GPHN: variants seen among roughly 807,000 people sequenced by gnomAD.
GPHN encodes gephyrin.
In GPHN, 17 loss-of-function variants were observed where a neutral mutation model predicts 95.5. That is an observed-to-expected ratio of 0.18 (90% CI 0.12 to 0.27). The LOEUF (loss-of-function observed/expected upper bound fraction) is 0.27. Ranked by LOEUF, GPHN falls within the 10% of genes least tolerant of loss-of-function variation. The probability of loss-of-function intolerance (pLI) is 1.00; values close to 1 mark genes in which losing one functional copy is unlikely to be tolerated. For synonymous variants in GPHN, 320 were observed against 322.5 expected, an observed-to-expected ratio of 0.99 and a Z score of 0.08; for missense variants, 660 against 978.1, an observed-to-expected ratio of 0.67 and a Z score of 4.34.
At chr14:67,387,944 G>A in the GPHN span, among the ~76,000 whole-genome samples, 1 of 152,188 alleles carries the variant, frequency 6.6e-6, no homozygotes, top group Non-Finnish European at 1.5e-5. Context: ...AAAGCATTGT[G>A]TAAGCCTCAC....
the GPHN span, among the ~76,000 whole-genome samples, chr14:67,237,475 T>G: frequency 1.4e-3 from 216 of 152,154 alleles, 1 homozygote; most frequent in Non-Finnish European, 2.3e-3. Flanking sequence ...ATGAATATGT[T>G]TCCTCCAAAA....
chr14:66,911,313 G>T (rs1043757368), intron 5 of GPHN, among the ~76,000 whole-genome samples: 21 of 152,024 alleles, frequency 1.4e-4, no homozygotes, highest in African/African-American at 5.1e-4. Context: ...TTTTTTTGTG[G>T]AGGGTGATGA....
intron 1 of GPHN, among the ~76,000 whole-genome samples, chr14:66,663,758 C>T (rs1159858876): frequency 6.6e-6 from 1 of 152,152 alleles, no homozygotes; most frequent in East Asian, 1.9e-4. Context: ...TGGAATGACA[C>T]ACATAGGCTC....
the GPHN span, chr14:67,398,204 T>C: frequency 6.3e-6 from 1 of 158,116 alleles, no homozygotes; most frequent in East Asian, 1.9e-4. Flanking sequence ...ATTTTACATA[T>C]AGTTTTATTT....
chr14:66,629,508 CT>C (rs1264593354), intron 1 of GPHN, among the ~76,000 whole-genome samples: 1 of 151,622 alleles, frequency 6.6e-6, no homozygotes, highest in South Asian at 2.1e-4. Flanking sequence ...TTAGTGTCAA[CT>C]TTTTTTTAAT....
chr14:66,760,135 G>A (rs930130340), intron 2 of GPHN, among the ~76,000 whole-genome samples: 2 of 151,960 alleles, frequency 1.3e-5, no homozygotes, highest in African/African-American at 4.8e-5. Flanking sequence ...ATTTCCCCCG[G>A]TAGAATGTAA....
chr14:66,835,172 G>T (rs1170015921), intron 4 of GPHN, among the ~76,000 whole-genome samples: 1 of 149,640 alleles, frequency 6.7e-6, no homozygotes. Context: ...CTTGCTAGCG[G>T]TCTATCAATT....
intron 1 of GPHN, among the ~76,000 whole-genome samples, chr14:66,511,485 A>C (rs2058039411): frequency 6.6e-6 from 1 of 152,134 alleles, no homozygotes; most frequent in Non-Finnish European, 1.5e-5. Context: ...TGATCTACCC[A>C]CACACACATT....
the GPHN span, chr14:67,392,314 T>C: frequency 6.6e-7 from 1 of 1,516,896 alleles, no homozygotes; most frequent in Non-Finnish European, 9.2e-7. Context: ...TCCCTGCTCA[T>C]AGCAGCCATA....
At chr14:66,521,548 A>G (rs2058484875) in intron 1 of GPHN, among the ~76,000 whole-genome samples, 1 of 152,190 alleles carries the variant, frequency 6.6e-6, no homozygotes, top group Non-Finnish European at 1.5e-5. Context: ...GAAGTCAAAG[A>G]TCAAGGCACT....
the GPHN span, among the ~76,000 whole-genome samples, chr14:67,418,306 A>G: frequency 2.0e-5 from 3 of 151,984 alleles, no homozygotes; most frequent in African/African-American, 7.2e-5. Flanking sequence ...TCTTTCCACT[A>G]CTCCACACAG....
chr14:66,985,532 C>T (rs941077256), intron 9 of GPHN: 3 of 572,534 alleles, frequency 5.2e-6, no homozygotes, highest in Non-Finnish European at 9.2e-6. Flanking sequence ...TGTCATACAG[C>T]CTCTGGGTTA....
the GPHN span, chr14:67,338,533 A>T: frequency 7.3e-7 from 1 of 1,374,404 alleles, no homozygotes; most frequent in Admixed American, 2.6e-5. Flanking sequence ...TAGGCCAAAA[A>T]ATAAATAGCC....
intron 1 of GPHN, among the ~76,000 whole-genome samples, chr14:66,663,744 CAT>C (rs1566782659): frequency 6.6e-6 from 1 of 152,166 alleles, no homozygotes; most frequent in African/African-American, 2.4e-5. Context: ...AGACCCATCT[CAT>C]GTGGAATGAC....
At chr14:67,597,582 T>A in the GPHN span, among the ~76,000 whole-genome samples, 1 of 152,188 alleles carries the variant, frequency 6.6e-6, no homozygotes, top group Non-Finnish European at 1.5e-5. Flanking sequence ...ACTGGGTCTC[T>A]GATGATCCAG....
intron 8 of GPHN, among the ~76,000 whole-genome samples, chr14:66,964,148 G>A (rs2153586963): frequency 6.6e-6 from 1 of 152,086 alleles, no homozygotes; most frequent in Admixed American, 6.5e-5. Flanking sequence ...ATAATCTACA[G>A]TATTAGTCTT....
intron 18 of GPHN, among the ~76,000 whole-genome samples, chr14:67,153,054 A>T (rs1422617875): frequency 6.6e-6 from 1 of 152,124 alleles, no homozygotes; most frequent in Non-Finnish European, 1.5e-5. Flanking sequence ...TAATCCTAGC[A>T]CTTTCAGAGG....
At chr14:67,499,006 A>ATTTATTTATTT in the GPHN span, among the ~76,000 whole-genome samples, 1 of 30,204 alleles carries the variant, frequency 3.3e-5, no homozygotes, top group East Asian at 1.1e-3. Flanking sequence ...TTTATTTATT[A>ATTTATTTATTT]GTTATTTAAT....
chr14:67,579,723 G>T, the GPHN span: 1 of 1,612,468 alleles, frequency 6.2e-7, no homozygotes, highest in South Asian at 1.1e-5. Flanking sequence ...CGCCTCAGGT[G>T]GTTGGTTTTG....
Sources: allele counts gnomAD v4.1 joint callset (sites outside exome capture counted in the v4.1 genomes callset), GRCh38; gene constraint gnomAD v4.1.1; transcripts MANE v1.5; gene names NCBI Gene and HGNC (gene_info 2026-07-23, HGNC 2026-07-21).